Variants in DLG2 observed in about 807,000 individuals in gnomAD.
DLG2 encodes the protein discs large MAGUK scaffold protein 2.
A neutral mutation model predicts 132.5 loss-of-function variants in DLG2; 45 were observed. The observed-to-expected ratio is 0.34, with a 90% CI of 0.27 to 0.44. The LOEUF (loss-of-function observed/expected upper bound fraction) is 0.44, where lower values mean the gene tolerates loss of function less well. DLG2 is among the 20% of genes least tolerant of loss of function. DLG2 has a pLI of 1.00. For missense variants in DLG2, 1,045 were observed against 1,196.9 expected, an observed-to-expected ratio of 0.87 and a Z score of 1.87; for synonymous variants, 424 against 419.6, an observed-to-expected ratio of 1.01 and a Z score of -0.13.
intron 6 of DLG2, among the ~76,000 whole-genome samples, chr11:84,735,467 T>C (rs1181485121): frequency 3.9e-5 from 6 of 152,218 alleles, no homozygotes; most frequent in Non-Finnish European, 8.8e-5. Flanking sequence ...TGTATTTCTG[T>C]GGCATCGGTG....
intron 6 of DLG2, among the ~76,000 whole-genome samples, chr11:85,079,536 G>A (rs1359001084): frequency 3.0e-5 from 4 of 133,182 alleles, no homozygotes; most frequent in South Asian, 2.4e-4. Flanking sequence ...GCCAAGATTT[G>A]CCAGAGGCAA....
chr11:84,403,693 C>G (rs999229734), intron 7 of DLG2, among the ~76,000 whole-genome samples: 2 of 152,212 alleles, frequency 1.3e-5, no homozygotes, highest in African/African-American at 4.8e-5. Flanking sequence ...CTCTTCAACT[C>G]TAACTTCTAC....
chr11:84,417,048 G>A (rs2098932090), intron 7 of DLG2, among the ~76,000 whole-genome samples: 1 of 152,186 alleles, frequency 6.6e-6, no homozygotes, highest in South Asian at 2.1e-4. Flanking sequence ...CAGAAATGCA[G>A]ATTCCATGAT....
chr11:85,296,872 T>C (rs1310651506), intron 3 of DLG2, among the ~76,000 whole-genome samples: 1 of 150,016 alleles, frequency 6.7e-6, no homozygotes, highest in Non-Finnish European at 1.5e-5. Context: ...ATTATAATTA[T>C]GATGTAATTT....
At chr11:85,166,511 C>A (rs1364431001) in intron 4 of DLG2, among the ~76,000 whole-genome samples, 1 of 152,042 alleles carries the variant, frequency 6.6e-6, no homozygotes, top group Non-Finnish European at 1.5e-5. Context: ...CTCCACACAG[C>A]CTGTGCTGAT....
intron 6 of DLG2, among the ~76,000 whole-genome samples, chr11:84,768,887 T>C (rs2068819923): frequency 6.6e-6 from 1 of 152,026 alleles, no homozygotes; most frequent in Admixed American, 6.6e-5. Flanking sequence ...CTCCAAGATT[T>C]CTCTCTAAAG....
chr11:84,546,080 T>G (rs528376375), intron 6 of DLG2, among the ~76,000 whole-genome samples: 1 of 152,296 alleles, frequency 6.6e-6, no homozygotes, highest in African/African-American at 2.4e-5. Context: ...TTCAGTGTCT[T>G]CTTTAGTGCC....
chr11:83,717,385 C>T (rs1375475884), intron 18 of DLG2, among the ~76,000 whole-genome samples: 1 of 152,196 alleles, frequency 6.6e-6, no homozygotes, highest in African/African-American at 2.4e-5. Flanking sequence ...GATATTAATG[C>T]AGATGCAAAT....
chr11:83,839,697 G>A (rs183573305), intron 16 of DLG2, among the ~76,000 whole-genome samples: 1 of 152,248 alleles, frequency 6.6e-6, no homozygotes, highest in East Asian at 1.9e-4. Flanking sequence ...ATAAGCCAGA[G>A]GAGGATTCTT....
At chr11:83,760,685 A>T (rs1422869741) in intron 18 of DLG2, among the ~76,000 whole-genome samples, 1 of 152,094 alleles carries the variant, frequency 6.6e-6, no homozygotes, top group Admixed American at 6.5e-5. Context: ...AAAAACAGAA[A>T]CAGAAAAACA....
intron 15 of DLG2, among the ~76,000 whole-genome samples, chr11:83,902,472 T>C (rs1050336736): frequency 5.9e-5 from 9 of 152,254 alleles, no homozygotes; most frequent in Non-Finnish European, 1.3e-4. Context: ...CAAGGGGTAC[T>C]ATTTTGGATT....
At chr11:84,803,087 C>T (rs934512812) in intron 6 of DLG2, among the ~76,000 whole-genome samples, 5 of 152,232 alleles carry the variant, frequency 3.3e-5, no homozygotes, top group South Asian at 4.1e-4. Context: ...GCATAAGCCA[C>T]AGCGCCCGGC....
intron 7 of DLG2, among the ~76,000 whole-genome samples, chr11:84,315,766 G>GT (rs1413359622): frequency 6.6e-6 from 1 of 152,152 alleles, no homozygotes; most frequent in Non-Finnish European, 1.5e-5. Context: ...CTATGCATAT[G>GT]TAACTATATT....
chr11:83,783,373 T>C (rs1437845682), intron 18 of DLG2, among the ~76,000 whole-genome samples: 3 of 152,270 alleles, frequency 2.0e-5, no homozygotes, highest in Non-Finnish European at 4.4e-5. Flanking sequence ...TTAGACATTT[T>C]ATAAATTATT....
intron 7 of DLG2, among the ~76,000 whole-genome samples, chr11:84,487,234 T>C (rs1371959349): frequency 6.6e-6 from 1 of 152,128 alleles, no homozygotes; most frequent in Non-Finnish European, 1.5e-5. Flanking sequence ...AATATATGAG[T>C]ACCGATGACA....
At position 85,245,152 on chromosome 11, in the gene DLG2, T is replaced by C. The variant is rs368670681; in HGVS notation, c.186+40068A>G. Among the ~76,000 whole-genome samples, 60 of 152,042 alleles carry C rather than the reference T, an allele frequency of 3.9e-4. 1 individual carries two copies. The South Asian group carries it at 0.011, about 28-fold the overall frequency. ...AGACTCCAGGAATGAAAATAGGACA[T>C]CAAGAAGGAAATAAAACTAGATTCA... On this transcript the variant is annotated intron_variant, in intron 4 of 27. Transcript: ENST00000376104.
intron 18 of DLG2, among the ~76,000 whole-genome samples, chr11:83,673,376 T>C (rs2077153209): frequency 6.6e-6 from 1 of 152,208 alleles, no homozygotes; most frequent in South Asian, 2.1e-4. Flanking sequence ...TCCTATGTTA[T>C]GAAAAGGTCA....
chr11:85,338,961 G>C (rs370521905), intron 3 of DLG2, among the ~76,000 whole-genome samples: 1 of 152,074 alleles, frequency 6.6e-6, no homozygotes, highest in East Asian at 1.9e-4. Flanking sequence ...CAAAGTGCTG[G>C]GATTACAGGG....
At chr11:84,987,819 G>A (rs753586598) in intron 6 of DLG2, among the ~76,000 whole-genome samples, 5 of 152,110 alleles carry the variant, frequency 3.3e-5, no homozygotes, top group South Asian at 2.1e-4. Flanking sequence ...AAAAATTCTC[G>A]ATGATAACAT....
Sources: gnomAD v4.1 joint callset for allele counts (sites outside exome capture counted in the v4.1 genomes callset) on GRCh38, gnomAD v4.1.1 for gene constraint, MANE v1.5 for transcripts, NCBI Gene and HGNC (gene_info 2026-07-23, HGNC 2026-07-21) for gene names.